COL6A6: variants seen among roughly 807,000 people sequenced by gnomAD.
COL6A6 encodes the protein collagen alpha-6(VI) chain.
COL6A6 carries 183 observed loss-of-function variants against 208.6 expected under a neutral mutation model. The observed-to-expected ratio is 0.88, with a 90% CI of 0.78 to 0.99. The LOEUF (loss-of-function observed/expected upper bound fraction) is 0.99, where lower values mean the gene tolerates loss of function less well. Ranked by LOEUF, COL6A6 falls within the 50% of genes least tolerant of loss-of-function variation. The pLI is 0.00. For missense variants in COL6A6, 2,816 were observed against 2,815.2 expected, an observed-to-expected ratio of 1.00 and a Z score of -0.01; for synonymous variants, 973 against 1,011.8, an observed-to-expected ratio of 0.96 and a Z score of 0.73.
chr3:130,520,880 G>A (rs6799357), intron 1 of COL6A6, among the ~76,000 whole-genome samples: 45,936 of 151,954 alleles, frequency 0.3, 8,457 homozygotes, highest in African/African-American at 0.52. Context: ...AAAAACTAAT[G>A]CATTTAACAG....
intron 1 of COL6A6, among the ~76,000 whole-genome samples, chr3:130,538,274 CT>C: frequency 6.6e-6 from 1 of 152,226 alleles, no homozygotes. Context: ...TGTGAAAAGA[CT>C]TGGAAATCTG....
chr3:130,665,360 A>G (rs1348702542), intron 36 of COL6A6, among the ~76,000 whole-genome samples: 2 of 152,198 alleles, frequency 1.3e-5, no homozygotes, highest in Non-Finnish European at 2.9e-5. Flanking sequence ...CCCAGTGACA[A>G]TGAGCATGCC....
Position 130,661,958 on chromosome 3 carries a change from CAGTT to C in COL6A6, c.6154_6157del (p.Val2052AsnfsTer3). ...CTCATGAAGAGGCATGTGCACGAGTCAGTTAAACAACTAAATGGAGATGCTTTTA... is the reference window on the plus strand; with the variant it reads ...CTCATGAAGAGGCATGTGCACGAGTCAAACAACTAAATGGAGATGCTTTTA... On this transcript the variant is annotated frameshift_variant, in exon 35 of 37. Transcript: ENST00000358511. LOFTEE classifies it high-confidence loss of function. 2.5e-6 allele frequency: 4 copies of C among 1,613,976 alleles called. No homozygotes were observed. The highest frequency in any genetic ancestry group is 3.4e-6 in the Non-Finnish European group (4 of 1,179,872).
chr3:130,544,374 TTCTC>T (rs745663868), intron 1 of COL6A6, among the ~76,000 whole-genome samples: 18 of 152,152 alleles, frequency 1.2e-4, no homozygotes, highest in Non-Finnish European at 2.4e-4. Flanking sequence ...TCCTCTCTCT[TTCTC>T]TCTCTCCCTC....
chr3:130,667,751 T>C (rs2066110644), intron 36 of COL6A6, among the ~76,000 whole-genome samples: 1 of 151,972 alleles, frequency 6.6e-6, no homozygotes, highest in African/African-American at 2.4e-5. Context: ...AATGAAGCCT[T>C]GGACTTTAAG....
chr3:130,546,731 C>T (rs184593172), intron 1 of COL6A6, among the ~76,000 whole-genome samples: 9 of 152,226 alleles, frequency 5.9e-5, no homozygotes, highest in East Asian at 5.8e-4. Context: ...CCGACTGGTG[C>T]GTTTACAAAC....
intron 2 of COL6A6, among the ~76,000 whole-genome samples, chr3:130,561,875 A>G (rs900277056): frequency 1.3e-5 from 2 of 150,412 alleles, no homozygotes; most frequent in Non-Finnish European, 3.0e-5. Flanking sequence ...GATGGTCTCG[A>G]TCTCCTGACC....
At chr3:130,628,652 G>A (rs1442192766) in intron 26 of COL6A6, among the ~76,000 whole-genome samples, 1 of 152,040 alleles carries the variant, frequency 6.6e-6, no homozygotes, top group Non-Finnish European at 1.5e-5. Flanking sequence ...GGTAAACAGA[G>A]GACCCTAAAA....
At chr3:130,604,337 C>CA (rs1209567140) in intron 20 of COL6A6, among the ~76,000 whole-genome samples, 29 of 151,566 alleles carry the variant, frequency 1.9e-4, no homozygotes, top group African/African-American at 3.4e-4. Context: ...ACTAAAAATA[C>CA]AAAAAAAATT....
intron 17 of COL6A6, 88 bp downstream of exon 17, chr3:130,593,340 A>T (rs2108086874): frequency 9.7e-7 from 1 of 1,029,424 alleles, no homozygotes; most frequent in East Asian, 2.4e-5. Flanking sequence ...AGCTATTGCT[A>T]CAAAACTGTT....
At chr3:130,560,808 T>C (rs1487526222) in intron 2 of COL6A6, among the ~76,000 whole-genome samples, 1 of 152,248 alleles carries the variant, frequency 6.6e-6, no homozygotes, top group Admixed American at 6.5e-5. Context: ...TGCTCCAGAT[T>C]AAATTATTTG....
At position 130,563,060 on chromosome 3, in the gene COL6A6, T is replaced by C; in HGVS notation, c.65-8T>C. 1.9e-6 allele frequency: 3 copies of C among 1,591,714 alleles called. No homozygotes were observed. The highest frequency in any genetic ancestry group is 2.6e-6 in the Non-Finnish European group (3 of 1,167,220). On this transcript the variant is annotated splice_polypyrimidine_tract_variant and splice_region_variant and intron_variant, in intron 2 of 36. Coordinates refer to ENST00000358511, the MANE Select transcript of COL6A6 (RefSeq NM_001102608.3). ...TTTTGGTTCGTTCATATGTTTGTGG[T>C]TTTGCAGGCCCTGAGTATGCAGATG...
chr3:130,552,155 C>T lies in COL6A6; in HGVS notation c.-31-8179C>T, dbSNP rs1357159225. On this transcript the variant is annotated intron_variant, in intron 1 of 36. Coordinates refer to ENST00000358511, the MANE Select transcript of COL6A6 (RefSeq NM_001102608.3). ...AGAGTTCTATGTATGTCTATTAGAT[C>T]CATTTGGTCCAGTGTCTAGTTCAAG... Among the ~76,000 whole-genome samples the T allele has an allele frequency of 2.6e-5, 4 of 152,038 alleles. No individual in the cohort carries two copies. The East Asian group carries it at 7.7e-4, about 29-fold the overall frequency.
chr3:130,609,116 G>C (rs906239837), intron 22 of COL6A6, among the ~76,000 whole-genome samples, 152 bp downstream of exon 22: 1 of 152,122 alleles, frequency 6.6e-6, no homozygotes. Context: ...ACACAGTTTG[G>C]ACTCATGCAG....
rs1350377682 is a variant in COL6A6 at position 130,568,299 on chromosome 3, C to T, written c.2096C>T (p.Thr699Ile). 2 of 1,614,010 alleles carry T rather than the reference C, an allele frequency of 1.2e-6. No individual in the cohort carries two copies. Among genetic ancestry groups the T allele is most frequent in the Admixed American group, 1.7e-5 (1 of 60,030 alleles). The stretch of plus-strand genomic sequence containing the variant: ...CAAATGGCTCACATTGGACAAACCA[C>T]CCTGACTGGTAGTGCCCTGAGCTTT... ...IDQMAHIGQT[T>I]LTGSALSFVS... Residue 699 changes from threonine (T) to isoleucine (I), a missense_variant, in exon 6 of 37, where the codon ACC becomes ATC. By Grantham distance (89) the Thr-to-Ile change is moderately conservative (BLOSUM62 -1). Coordinates refer to ENST00000358511, the MANE Select transcript of COL6A6 (RefSeq NM_001102608.3).
chr3:130,593,029 G>A lies in COL6A6; in HGVS notation c.4372-32G>A, dbSNP rs750178835. The A allele has an allele frequency of 2.5e-6, 4 of 1,597,224 alleles. No homozygotes were observed. The South Asian group carries it at 4.4e-5, about 18-fold the overall frequency. On this transcript the variant is annotated intron_variant, in intron 15 of 36. Transcript: ENST00000358511. ...TGACTTCTTTACACATGCACGTGAT[G>A]TACTCTGTTCTAATCATATCTATCT... is the stretch of plus-strand genomic sequence containing the variant.
chr3:130,540,147 A>G (rs757189912), intron 1 of COL6A6, among the ~76,000 whole-genome samples: 2 of 152,144 alleles, frequency 1.3e-5, no homozygotes, highest in African/African-American at 2.4e-5. Flanking sequence ...TGTAACTACT[A>G]TCCTGACCCT....
At chr3:130,641,521 A>G (rs1417691246) in intron 28 of COL6A6, 131 bp from the exon 29 acceptor site, 10 of 461,160 alleles carry the variant, frequency 2.2e-5, no homozygotes, top group African/African-American at 1.2e-4. Context: ...AAAACTCTCA[A>G]TTTTCTAAAA....
chr3:130,530,739 T>A (rs1559954010), intron 1 of COL6A6, among the ~76,000 whole-genome samples: 1 of 152,164 alleles, frequency 6.6e-6, no homozygotes, highest in Non-Finnish European at 1.5e-5. Flanking sequence ...GTTTTTTAGA[T>A]ATGATTAACA....
Sources: gnomAD v4.1 joint callset for allele counts (sites outside exome capture counted in the v4.1 genomes callset) on GRCh38, gnomAD v4.1.1 for gene constraint, MANE v1.5 for transcripts, NCBI Gene and HGNC (gene_info 2026-07-23, HGNC 2026-07-21) for gene names.